Variants in WDR70 observed in about 807,000 individuals in gnomAD.
The protein encoded by WDR70 is WD repeat domain 70, also known as WD repeat-containing protein 70.
WDR70 carries 53 observed loss-of-function variants against 88.6 expected under a neutral mutation model. That is an observed-to-expected ratio of 0.60 (90% CI 0.48 to 0.75). The LOEUF is 0.75. Among genes scored for constraint, WDR70 ranks in the 30% least tolerant of loss-of-function variants. The probability of loss-of-function intolerance (pLI) is 0.00; values close to 1 mark genes in which losing one functional copy is unlikely to be tolerated. For missense variants in WDR70, 610 were observed against 823.2 expected (o/e 0.74, Z 3.17); for synonymous variants, 280 against 270.0 (o/e 1.04, Z -0.36).
At chr5:37,726,782 C>A in intron 16 of WDR70, 101 bp from the exon 17 acceptor site, 1 of 1,203,734 alleles carries the variant, frequency 8.3e-7, no homozygotes, top group Non-Finnish European at 1.1e-6. Context: ...AATTTAAGTA[C>A]TCTTGAGATT....
intron 10 of WDR70, among the ~76,000 whole-genome samples, chr5:37,672,242 C>A (rs751393589): frequency 2.0e-5 from 3 of 152,124 alleles, no homozygotes; most frequent in African/African-American, 4.8e-5. Context: ...GGTTTCCCCC[C>A]ACTGAGACAG....
chr5:37,752,372 T>C (rs1748839283), intron 17 of WDR70, 114 bp from the exon 18 acceptor site: 1 of 659,526 alleles, frequency 1.5e-6, no homozygotes, highest in Non-Finnish European at 2.6e-6. Flanking sequence ...TATTTAATAA[T>C]TGAGTTGTAA....
At chr5:37,589,640 T>C (rs1020505302) in intron 9 of WDR70, among the ~76,000 whole-genome samples, 1 of 152,016 alleles carries the variant, frequency 6.6e-6, no homozygotes, top group Admixed American at 6.6e-5. Context: ...AGTGCAGTGG[T>C]GCCCATCTCA....
intron 10 of WDR70, among the ~76,000 whole-genome samples, chr5:37,608,038 CTTT>C (rs11295618): frequency 7.0e-5 from 7 of 100,596 alleles, no homozygotes; most frequent in Admixed American, 1.1e-4. Context: ...CTGCAACACT[CTTT>C]TTTTTTTTTT....
intron 10 of WDR70, among the ~76,000 whole-genome samples, chr5:37,685,657 G>C (rs1746568135): frequency 6.6e-6 from 1 of 152,118 alleles, no homozygotes; most frequent in Non-Finnish European, 1.5e-5. Context: ...ATCCCTGCTG[G>C]TGCTCTACCA....
chr5:37,683,096 T>G (rs1383520189), intron 10 of WDR70, among the ~76,000 whole-genome samples: 1 of 152,236 alleles, frequency 6.6e-6, no homozygotes, highest in Non-Finnish European at 1.5e-5. Flanking sequence ...TGTAATGTAC[T>G]TCCTTGTCTT....
intron 5 of WDR70, among the ~76,000 whole-genome samples, chr5:37,416,906 A>C (rs1253819471): frequency 6.6e-6 from 1 of 152,044 alleles, no homozygotes; most frequent in Non-Finnish European, 1.5e-5. Flanking sequence ...AGAAGCTAAT[A>C]CTCCACTTAC....
At chr5:37,608,286 C>T (rs767501648) in intron 10 of WDR70, among the ~76,000 whole-genome samples, 10 of 152,054 alleles carry the variant, frequency 6.6e-5, no homozygotes, top group South Asian at 4.2e-4. Context: ...GTGATCCGCC[C>T]GCCTTGGCCT....
chr5:37,685,911 C>G lies in WDR70; in HGVS notation c.1093-11744C>G, dbSNP rs146479683. 2.0e-3 allele frequency among the ~76,000 whole-genome samples: 310 copies of G among 152,318 alleles called. 1 individual carries two copies. Among genetic ancestry groups the G allele is most frequent in the Non-Finnish European group, 3.8e-3 (259 of 68,022 alleles). On this transcript the variant is annotated intron_variant, in intron 10 of 17. Coordinates refer to ENST00000265107, the MANE Select transcript of WDR70 (RefSeq NM_018034.4). Reference sequence around the variant, plus strand: ...CACACAAGTTCCCAGCTTCCTCCCCCTTCAGCCCAGCTTCTGTGTCTTCTG... The same window carrying G: ...CACACAAGTTCCCAGCTTCCTCCCCGTTCAGCCCAGCTTCTGTGTCTTCTG...
chr5:37,543,523 A>C (rs1179572182), intron 9 of WDR70, among the ~76,000 whole-genome samples: 1 of 152,070 alleles, frequency 6.6e-6, no homozygotes, highest in African/African-American at 2.4e-5. Flanking sequence ...AAAGAGAGAG[A>C]GAGAGATTGA....
chr5:37,390,742 G>A (rs1456659418), intron 3 of WDR70, among the ~76,000 whole-genome samples: 1 of 134,844 alleles, frequency 7.4e-6, no homozygotes, highest in African/African-American at 2.9e-5. Context: ...TTGAGATGAT[G>A]TTTTGCTTTT....
chr5:37,400,060 G>A (rs192351323), intron 5 of WDR70, among the ~76,000 whole-genome samples: 134 of 152,210 alleles, frequency 8.8e-4, no homozygotes, highest in Non-Finnish European at 1.6e-3. Context: ...AGCTTCCTGA[G>A]TAGCTGGGAT....
intron 17 of WDR70, among the ~76,000 whole-genome samples, chr5:37,737,330 G>A (rs946256811): frequency 6.6e-6 from 1 of 152,178 alleles, no homozygotes; most frequent in African/African-American, 2.4e-5. Context: ...TTGAATGCAA[G>A]CATTCTGGCT....
At chr5:37,738,089 G>A (rs1157027372) in intron 17 of WDR70, among the ~76,000 whole-genome samples, 2 of 150,912 alleles carry the variant, frequency 1.3e-5, no homozygotes, top group Non-Finnish European at 2.9e-5. Flanking sequence ...CCAAAAAAAG[G>A]AATCATTTCA....
At chr5:37,529,662 G>A (rs889278533) in intron 9 of WDR70, among the ~76,000 whole-genome samples, 1 of 151,988 alleles carries the variant, frequency 6.6e-6, no homozygotes, top group African/African-American at 2.4e-5. Flanking sequence ...ACTGATTTGT[G>A]TACATTAATT....
At chr5:37,579,521 T>C (rs1179255477) in intron 9 of WDR70, among the ~76,000 whole-genome samples, 1 of 144,696 alleles carries the variant, frequency 6.9e-6, no homozygotes, top group Admixed American at 7.2e-5. Flanking sequence ...GAGGCGGAGG[T>C]TGCAGTGAGC....
At chr5:37,380,131 A>G (rs1748380049) in intron 2 of WDR70, among the ~76,000 whole-genome samples, 1 of 152,238 alleles carries the variant, frequency 6.6e-6, no homozygotes, top group Non-Finnish European at 1.5e-5. Flanking sequence ...CTGATACATG[A>G]AAAATGATTT....
chr5:37,555,772 G>A (rs892324199), intron 9 of WDR70, among the ~76,000 whole-genome samples: 2 of 152,128 alleles, frequency 1.3e-5, no homozygotes, highest in Non-Finnish European at 2.9e-5. Flanking sequence ...AGGCTGTAGT[G>A]CAGTAGCGTG....
intron 10 of WDR70, among the ~76,000 whole-genome samples, chr5:37,684,671 G>T (rs183860306): frequency 6.6e-6 from 1 of 152,342 alleles, no homozygotes. Flanking sequence ...AACCCATTGT[G>T]CTGGGGTGGG....
Sources: allele counts gnomAD v4.1 joint callset (sites outside exome capture counted in the v4.1 genomes callset), GRCh38; gene constraint gnomAD v4.1.1; transcripts MANE v1.5; gene names NCBI Gene and HGNC (gene_info 2026-07-23, HGNC 2026-07-21).